Variants in MADD observed in about 807,000 individuals in gnomAD.
The protein encoded by MADD is MAP kinase activating death domain, also known as MAP kinase-activating death domain protein.
Under a neutral mutation model 176.7 loss-of-function variants are expected in MADD, and 109 were observed. That is an observed-to-expected ratio of 0.62 (90% confidence interval 0.53 to 0.72). The LOEUF is 0.72. MADD is among the 30% of genes least tolerant of loss of function. The pLI, the probability that MADD is intolerant of heterozygous loss-of-function variation, is 0.00. For missense variants in MADD, 1,914 were observed against 2,045.5 expected (o/e 0.94, Z 1.24); for synonymous variants, 771 against 771.3 (o/e 1.00, Z 0.01).
At chr11:47,329,961 A>C (rs2095834165) in exon 33 of MADD, 1 of 152,646 alleles carries the variant, frequency 6.6e-6, no homozygotes, top group African/African-American at 2.4e-5. Context: ...ATGACTGTAA[A>C]TATTTCAGCC....
At chr11:47,281,546 G>GT in intron 7 of MADD, 29 bp from the exon 8 acceptor site, 1 of 1,571,840 alleles carries the variant, frequency 6.4e-7, no homozygotes, top group Non-Finnish European at 8.7e-7. Context: ...GACGTTCCTT[G>GT]TGTAAGGAAT....
chr11:47,290,532 C>A (rs988547172), intron 18 of MADD, 78 bp from the exon 20 acceptor site: 1 of 1,440,990 alleles, frequency 6.9e-7, no homozygotes, highest in Non-Finnish European at 9.5e-7. Flanking sequence ...CCTCCTGTAT[C>A]CTGGCTCCTC....
chr11:47,328,805 G>A, intron 32 of MADD, 101 bp downstream of exon 36: 1 of 1,479,256 alleles, frequency 6.8e-7, no homozygotes, highest in Non-Finnish European at 9.3e-7. Flanking sequence ...ACAGGGGTGA[G>A]TGGGGACCTC....
chr11:47,278,888 A>C, intron 6 of MADD, 111 bp from the exon 7 acceptor site: 1 of 795,688 alleles, frequency 1.3e-6, no homozygotes, highest in Admixed American at 2.3e-5. Context: ...TATAATGTAT[A>C]TTCGTTTATA....
chr11:47,328,326 C>T, intron 31 of MADD: 1 of 1,253,234 alleles, frequency 8.0e-7, no homozygotes, highest in Non-Finnish European at 1.0e-6. Context: ...CTCAGGGGCC[C>T]TGGACAGTAG....
chr11:47,290,712 T>G, exon 19 of MADD: 1 of 1,614,074 alleles, frequency 6.2e-7, no homozygotes, highest in South Asian at 1.1e-5. Flanking sequence ...ATGGCACAAC[T>G]GAGAGTTCCA....
At chr11:47,286,401 A>C (rs1291319788) in intron 14 of MADD, 32 bp from the exon 15 acceptor site, 12 of 1,436,230 alleles carry the variant, frequency 8.4e-6, no homozygotes, top group Non-Finnish European at 1.2e-5. Flanking sequence ...TTACTCTGCC[A>C]AGTCATCGCT....
At chr11:47,318,472 T>C (rs945085075) in intron 27 of MADD, among the ~76,000 whole-genome samples, 3 of 152,200 alleles carry the variant, frequency 2.0e-5, no homozygotes, top group African/African-American at 7.2e-5. Flanking sequence ...TAGGGCTGAC[T>C]TAGGACATCT....
intron 15 of MADD, among the ~76,000 whole-genome samples, chr11:47,287,733 G>T (rs560077232): frequency 2.3e-4 from 35 of 149,402 alleles, no homozygotes; most frequent in Admixed American, 2.1e-3. Context: ...TTCTCTGGAT[G>T]GTATGACGAA....
exon 18 of MADD, chr11:47,290,187 C>T: frequency 1.9e-6 from 3 of 1,614,180 alleles, no homozygotes; most frequent in Non-Finnish European, 2.5e-6. Flanking sequence ...TGTTAGACCT[C>T]CTCAAGTGTA....
intron 31 of MADD, chr11:47,328,141 C>T (rs1439074886): frequency 3.0e-6 from 3 of 1,015,596 alleles, no homozygotes; most frequent in African/African-American, 3.4e-5. Context: ...CATGTTACCT[C>T]TTCATCCAGC....
exon 17 of MADD, chr11:47,290,024 G>A (rs748863441): frequency 3.7e-5 from 60 of 1,614,074 alleles, no homozygotes; most frequent in Non-Finnish European, 4.7e-5. Flanking sequence ...GTCAGAGGAC[G>A]ATGCCCGGCA....
chr11:47,284,596 C>CA, intron 12 of MADD, 31 bp downstream of exon 12: 1 of 1,605,908 alleles, frequency 6.2e-7, no homozygotes, highest in Non-Finnish European at 8.5e-7. Flanking sequence ...GAGTGAGAAC[C>CA]ATGGCCTGGG....
chr11:47,291,009 C>A (rs1162550604), intron 19 of MADD, among the ~76,000 whole-genome samples, 193 bp downstream of exon 20: 2 of 152,060 alleles, frequency 1.3e-5, no homozygotes, highest in Admixed American at 1.3e-4. Flanking sequence ...CAGCCACCCC[C>A]CACCCCGTAT....
chr11:47,279,011 A>C lies in MADD; in HGVS notation c.1222A>C (p.Thr408Pro), dbSNP rs1162163023. The change falls in exon 7 of 33, where the codon ACC becomes CCC. Residue 408 changes from threonine to proline, a missense_variant. Around this residue, in one of 2 missense-constraint regions of MADD, gnomAD observed 1,767 missense variants for 1,836.0 expected, o/e 0.96. Transcript: ENST00000402192. The stretch of plus-strand genomic sequence containing the variant: ...TTCTCTGGTGCAGGTGATTGCCCCC[A>C]CCAATGCAGAAGTGCTGCCTATCCT... The C allele has an allele frequency of 6.2e-7, 1 of 1,614,064 alleles. No individual in the cohort carries two copies. Among genetic ancestry groups the C allele is most frequent in the East Asian group, 2.2e-5 (1 of 44,878 alleles).
At chr11:47,328,538 C>A (rs2095708369) in intron 31 of MADD, 120 bp from the exon 36 acceptor site, 1 of 1,543,756 alleles carries the variant, frequency 6.5e-7, no homozygotes, top group African/African-American at 1.4e-5. Context: ...GCTGCAGCCA[C>A]TGTGAGAGGC....
exon 2 of MADD, chr11:47,273,864 C>T (rs752416272): frequency 2.0e-5 from 30 of 1,521,122 alleles, no homozygotes; most frequent in Non-Finnish European, 2.5e-5. Context: ...AATGCTGACT[C>T]CTTGCTTGGT....
intron 14 of MADD, 111 bp from the exon 15 acceptor site, chr11:47,286,322 A>C (rs867978850): frequency 1.3e-6 from 1 of 753,496 alleles, no homozygotes; most frequent in Non-Finnish European, 2.4e-6. Flanking sequence ...TGATCCACCA[A>C]ACTGGGATTG....
rs761209377 is a variant in MADD at position 47,323,844 on chromosome 11, G to A, written c.4362+9G>A. On this transcript the variant is annotated intron_variant, in intron 28 of 32. Transcript: ENST00000402192. ...AGTTCTATACTAAAAAGGTACGCAG[G>A]ATCTGTGTTTGGGTTGGGGCTAGTA... 6.2e-7 allele frequency: 1 copy of A among 1,613,456 alleles called. No individual in the cohort carries two copies. The highest frequency in any genetic ancestry group is 8.5e-7 in the Non-Finnish European group (1 of 1,179,438).
Sources: allele counts gnomAD v4.1 joint callset (sites outside exome capture counted in the v4.1 genomes callset), GRCh38; gene constraint gnomAD v4.1.1; regional missense constraint gnomAD v4.1.1; transcripts MANE v1.5; gene names NCBI Gene and HGNC (gene_info 2026-07-23, HGNC 2026-07-21).